The following PDE4D variants were observed in gnomAD, a reference collection of about 807,000 sequenced individuals.
The protein encoded by PDE4D is phosphodiesterase 4D.
Under a neutral mutation model 87.4 loss-of-function variants are expected in PDE4D, and 24 were observed. That is an observed-to-expected ratio of 0.27 (90% confidence interval 0.20 to 0.39). The LOEUF is 0.39. Among genes scored for constraint, PDE4D ranks in the 10% least tolerant of loss-of-function variants. PDE4D has a pLI of 1.00. For synonymous variants in PDE4D, 384 were observed against 383.2 expected (o/e 1.00, Z -0.02); for missense variants, 714 against 1,041.0 (o/e 0.69, Z 4.32).
At chr5:60,318,482 A>C (rs758656857) in intron 1 of PDE4D, among the ~76,000 whole-genome samples, 7 of 152,194 alleles carry the variant, frequency 4.6e-5, no homozygotes, top group Non-Finnish European at 1.0e-4. Context: ...TAGCCCATTT[A>C]CATTTAAGGT....
chr5:60,459,740 T>G (rs550163261), intron 1 of PDE4D: 12 of 395,136 alleles, frequency 3.0e-5, no homozygotes, highest in African/African-American at 2.5e-4. Flanking sequence ...CAAAGAGACC[T>G]CAACAACAGG....
At chr5:59,623,308 G>A (rs1342610896) in intron 1 of PDE4D, among the ~76,000 whole-genome samples, 2 of 152,116 alleles carry the variant, frequency 1.3e-5, no homozygotes, top group Non-Finnish European at 2.9e-5. Flanking sequence ...AATCTGTGCT[G>A]TTCAATATTA....
intron 1 of PDE4D, among the ~76,000 whole-genome samples, chr5:59,239,728 A>G (rs1250302364): frequency 6.6e-6 from 1 of 152,144 alleles, no homozygotes; most frequent in Non-Finnish European, 1.5e-5. Context: ...TAGCTCCCCA[A>G]GCATCGTACT....
At chr5:59,272,958 T>G (rs1450930810) in intron 1 of PDE4D, among the ~76,000 whole-genome samples, 3 of 152,048 alleles carry the variant, frequency 2.0e-5, no homozygotes, top group Admixed American at 6.6e-5. Context: ...CCAAACGTAA[T>G]GTTTGGCTTT....
At chr5:60,159,456 T>G (rs1782286112) in intron 2 of PDE4D, among the ~76,000 whole-genome samples, 1 of 152,220 alleles carries the variant, frequency 6.6e-6, no homozygotes, top group Admixed American at 6.5e-5. Flanking sequence ...TCAAGTATTA[T>G]GTACTGTACA....
intron 1 of PDE4D, among the ~76,000 whole-genome samples, chr5:59,288,261 A>T (rs1767364993): frequency 6.6e-6 from 1 of 152,044 alleles, no homozygotes; most frequent in Non-Finnish European, 1.5e-5. Context: ...AAAATAATTT[A>T]AAAGAATCAA....
In PDE4D at chr5:59,170,106, C is replaced by T. The variant is rs545410621; in HGVS notation, c.808+10489G>A. 3.9e-5 allele frequency among the ~76,000 whole-genome samples: 6 copies of T among 152,304 alleles called. No homozygotes were observed. In the South Asian group the frequency reaches 1.0e-3, roughly 26 times the overall value. On this transcript the variant is annotated intron_variant, in intron 5 of 14. Coordinates refer to ENST00000340635, the MANE Select transcript of PDE4D (RefSeq NM_001104631.2). ...AGTGCAGTGGCATGATCATGGTTCACTGCAGCATCAACTTCCTGGGCATAA... is the reference window on the plus strand; with the variant it reads ...AGTGCAGTGGCATGATCATGGTTCATTGCAGCATCAACTTCCTGGGCATAA...
At chr5:60,136,866 A>T (rs1470810887) in intron 2 of PDE4D, among the ~76,000 whole-genome samples, 1 of 152,114 alleles carries the variant, frequency 6.6e-6, no homozygotes, top group African/African-American at 2.4e-5. Context: ...TTACATAGGT[A>T]AATTGTGCCA....
intron 2 of PDE4D, among the ~76,000 whole-genome samples, chr5:60,102,298 C>G (rs1270174680): frequency 6.6e-6 from 1 of 151,614 alleles, no homozygotes; most frequent in Non-Finnish European, 1.5e-5. Context: ...GGTACATGTG[C>G]AGATTTGTTA....
chr5:60,194,412 CTTATT>C (rs1209669339), intron 1 of PDE4D, among the ~76,000 whole-genome samples: 1 of 151,672 alleles, frequency 6.6e-6, no homozygotes, highest in Non-Finnish European at 1.5e-5. Context: ...ACGGGGTCTT[CTTATT>C]TTGTCTACAT....
rs141448957 is a variant in PDE4D, at chr5:60,072,683, G to A, written c.43-83966C>T. 5.3e-5 allele frequency among the ~76,000 whole-genome samples: 8 copies of A among 152,122 alleles called. No homozygotes were observed. The East Asian group carries it at 1.5e-3, about 29-fold the overall frequency. ...TAACCCATCTTGAGTTAATTTTTAT[G>A]TATAGTGTACTGAATGGGTCCAGTT... On this transcript the variant is annotated intron_variant, in intron 2 of 16. Coordinates refer to the PDE4D transcript ENST00000502484.
At chr5:59,786,091 C>T (rs1226190061) in intron 1 of PDE4D, among the ~76,000 whole-genome samples, 1 of 152,068 alleles carries the variant, frequency 6.6e-6, no homozygotes, top group Non-Finnish European at 1.5e-5. Flanking sequence ...CATCAACTGG[C>T]CTCCCCTCTC....
chr5:60,135,177 C>G (rs1779929735), intron 2 of PDE4D, among the ~76,000 whole-genome samples: 1 of 152,146 alleles, frequency 6.6e-6, no homozygotes, highest in African/African-American at 2.4e-5. Flanking sequence ...ACCCTTCGCC[C>G]CTTTAACCAT....
At chr5:59,712,948 AC>A (rs1476791886) in intron 1 of PDE4D, among the ~76,000 whole-genome samples, 1 of 152,190 alleles carries the variant, frequency 6.6e-6, no homozygotes, top group Non-Finnish European at 1.5e-5. Context: ...TTACTATAAC[AC>A]TGGAATATTT....
intron 2 of PDE4D, among the ~76,000 whole-genome samples, chr5:60,042,660 T>C (rs1768661025): frequency 6.6e-6 from 1 of 152,200 alleles, no homozygotes. Flanking sequence ...AAAGAGGGTC[T>C]GGAGTGGACA....
intron 1 of PDE4D, among the ~76,000 whole-genome samples, chr5:59,239,483 G>A (rs191475442): frequency 2.6e-5 from 4 of 152,236 alleles, no homozygotes; most frequent in East Asian, 1.9e-4. Context: ...CTTTTTCCAA[G>A]GGTAACACAA....
At chr5:59,678,148 AT>A (rs1323854391) in intron 1 of PDE4D, among the ~76,000 whole-genome samples, 1 of 152,178 alleles carries the variant, frequency 6.6e-6, no homozygotes, top group African/African-American at 2.4e-5. Context: ...GTAAAAAAAA[AT>A]GTCTTGGCTT....
intron 5 of PDE4D, among the ~76,000 whole-genome samples, chr5:59,062,931 G>A (rs1159218256): frequency 2.0e-5 from 3 of 151,968 alleles, no homozygotes; most frequent in African/African-American, 4.8e-5. Context: ...GAGTGTTGGC[G>A]AAGTACGTGA....
chr5:59,256,956 T>C (rs1443222722), intron 1 of PDE4D, among the ~76,000 whole-genome samples: 1 of 152,048 alleles, frequency 6.6e-6, no homozygotes, highest in Non-Finnish European at 1.5e-5. Flanking sequence ...TACTGTCAAG[T>C]GCAAAATACA....
Sources: allele counts gnomAD v4.1 joint callset (sites outside exome capture counted in the v4.1 genomes callset), GRCh38; gene constraint gnomAD v4.1.1; transcripts MANE v1.5; gene names NCBI Gene and HGNC (gene_info 2026-07-23, HGNC 2026-07-21).